LAMA2: variants seen among roughly 807,000 people sequenced by gnomAD.
LAMA2 encodes laminin subunit alpha-2.
In LAMA2, 269 loss-of-function variants were observed where a neutral mutation model predicts 364.8. That is an observed-to-expected ratio of 0.74 (90% CI 0.67 to 0.82). The LOEUF (loss-of-function observed/expected upper bound fraction) is 0.82. Ranked by LOEUF, LAMA2 falls within the 40% of genes least tolerant of loss-of-function variation. The pLI is 0.00. For missense variants in LAMA2, 3,807 were observed against 3,873.2 expected, an observed-to-expected ratio of 0.98 and a Z score of 0.45; for synonymous variants, 1,379 against 1,370.6, an observed-to-expected ratio of 1.01 and a Z score of -0.14.
intron 17 of LAMA2, among the ~76,000 whole-genome samples, chr6:129,275,886 G>T (rs150473904): frequency 6.6e-6 from 1 of 151,816 alleles, no homozygotes; most frequent in Non-Finnish European, 1.5e-5. Flanking sequence ...GAAATATATC[G>T]TTCAAAGACA....
rs557023062 is a variant in LAMA2, at chr6:128,911,490, T to C, written c.112+28133T>C. On this transcript the variant is annotated intron_variant, in intron 1 of 64. Coordinates refer to ENST00000421865, the MANE Select transcript of LAMA2 (RefSeq NM_000426.4). ...CGAGTGAGGCAATGCCTCACCCTGC[T>C]TCGGCTCACGCACGGTGCGCGCACC... Among the ~76,000 whole-genome samples the C allele has an allele frequency of 1.4e-4, 22 of 152,286 alleles. No individual in the cohort carries two copies. The South Asian group carries it at 4.6e-3, about 32-fold the overall frequency.
Position 128,952,489 on chromosome 6 carries a change from A to G in LAMA2, c.112+69132A>G, listed in dbSNP as rs139936381. On this transcript the variant is annotated intron_variant, in intron 1 of 64. Coordinates refer to ENST00000421865, the MANE Select transcript of LAMA2 (RefSeq NM_000426.4). ...CAGCCCTCAAGGATCTAGTTTGTTA[A>G]GAAACATAGGCATCATAACAAATAA... is the stretch of plus-strand genomic sequence containing the variant. 2.6e-5 allele frequency among the ~76,000 whole-genome samples: 4 copies of G among 152,282 alleles called. No individual in the cohort carries two copies. In the East Asian group the frequency reaches 7.7e-4, roughly 29 times the overall value.
At chr6:128,891,976 T>C (rs1308156378) in intron 1 of LAMA2, among the ~76,000 whole-genome samples, 5 of 152,052 alleles carry the variant, frequency 3.3e-5, no homozygotes, top group Admixed American at 3.3e-4. Context: ...ATCAAAAGCC[T>C]GAGTCAACGG....
intron 40 of LAMA2, among the ~76,000 whole-genome samples, chr6:129,410,760 G>T (rs1780500687): frequency 6.7e-6 from 1 of 148,472 alleles, no homozygotes; most frequent in Non-Finnish European, 1.5e-5. Flanking sequence ...ATAGATAATA[G>T]ATTAGATGAT....
intron 1 of LAMA2, among the ~76,000 whole-genome samples, chr6:128,975,446 T>C (rs915093654): frequency 2.0e-5 from 3 of 152,112 alleles, no homozygotes; most frequent in Non-Finnish European, 4.4e-5. Flanking sequence ...AGAAAGTATA[T>C]GACCTATTTC....
intron 12 of LAMA2, among the ~76,000 whole-genome samples, chr6:129,244,073 T>C (rs1004444006): frequency 3.9e-5 from 6 of 152,130 alleles, no homozygotes; most frequent in Non-Finnish European, 8.8e-5. Flanking sequence ...CTAAACCAAC[T>C]TTTCTAGAAT....
intron 34 of LAMA2, among the ~76,000 whole-genome samples, chr6:129,370,704 G>T (rs887684872): frequency 6.6e-6 from 1 of 152,188 alleles, no homozygotes; most frequent in Non-Finnish European, 1.5e-5. Flanking sequence ...GAGCTAGAAG[G>T]TTCCTGGGGA....
chr6:129,093,180 G>A (rs978917567), intron 3 of LAMA2, among the ~76,000 whole-genome samples: 4 of 151,182 alleles, frequency 2.6e-5, no homozygotes, highest in East Asian at 1.9e-4. Flanking sequence ...TAGTAGAGAC[G>A]GAGTTTCACC....
chr6:129,238,572 TGTGTGAGA>T (rs768686411), intron 12 of LAMA2, among the ~76,000 whole-genome samples: 371 of 42,478 alleles, frequency 8.7e-3, no homozygotes, highest in Non-Finnish European at 0.018. Flanking sequence ...TGTGTGTGTG[TGTGTGAGA>T]GAGAGAGAGA....
chr6:129,088,674 G>C (rs920832352), intron 3 of LAMA2, among the ~76,000 whole-genome samples: 6 of 151,132 alleles, frequency 4.0e-5, no homozygotes, highest in South Asian at 2.1e-4. Flanking sequence ...CTTCTCAGAC[G>C]GGGCGGCTGC....
chr6:129,122,995 CA>C, intron 4 of LAMA2, among the ~76,000 whole-genome samples: 1 of 152,032 alleles, frequency 6.6e-6, no homozygotes, highest in East Asian at 1.9e-4. Context: ...GAAGGTTCCT[CA>C]AAAAATTCAA....
intron 1 of LAMA2, among the ~76,000 whole-genome samples, chr6:128,989,065 G>T (rs1000707898): frequency 5.9e-5 from 9 of 152,162 alleles, no homozygotes; most frequent in Admixed American, 5.9e-4. Flanking sequence ...TGTTATACAT[G>T]TTATAATTAT....
chr6:129,374,418 C>T (rs1778256123), intron 34 of LAMA2, among the ~76,000 whole-genome samples: 2 of 152,180 alleles, frequency 1.3e-5, no homozygotes, highest in Admixed American at 6.5e-5. Flanking sequence ...CCCTATCTCA[C>T]ACCCATAGGT....
chr6:129,478,988 G>T, intron 54 of LAMA2, among the ~76,000 whole-genome samples, 175 bp downstream of exon 54: 1 of 152,054 alleles, frequency 6.6e-6, no homozygotes. Flanking sequence ...ATAAAAAATG[G>T]TATTATGAAG....
chr6:129,466,966 T>C, intron 51 of LAMA2, among the ~76,000 whole-genome samples: 1 of 151,842 alleles, frequency 6.6e-6, no homozygotes, highest in African/African-American at 2.4e-5. Flanking sequence ...TTTGGAGATA[T>C]GTAACAATTT....
intron 20 of LAMA2, chr6:129,292,889 T>A (rs747559303): frequency 6.7e-5 from 66 of 985,760 alleles, no homozygotes; most frequent in Non-Finnish European, 7.8e-5. Context: ...AATGTGATAT[T>A]ACAGGAAGAT....
At chr6:128,927,331 T>C (rs1400033526) in intron 1 of LAMA2, among the ~76,000 whole-genome samples, 1 of 152,220 alleles carries the variant, frequency 6.6e-6, no homozygotes, top group Non-Finnish European at 1.5e-5. Context: ...ACATTCAGTG[T>C]ACTCCAATAT....
chr6:129,137,811 A>T (rs959251608), intron 4 of LAMA2, among the ~76,000 whole-genome samples: 2 of 152,138 alleles, frequency 1.3e-5, no homozygotes, highest in African/African-American at 4.8e-5. Context: ...TGAAATCATT[A>T]TGCTAAACAC....
intron 49 of LAMA2, among the ~76,000 whole-genome samples, chr6:129,463,791 A>G (rs1053755215): frequency 2.0e-5 from 3 of 152,002 alleles, no homozygotes; most frequent in Admixed American, 6.6e-5. Context: ...AATCTCTTAG[A>G]TGGTCTCATG....
Sources: gnomAD v4.1 joint callset for allele counts (sites outside exome capture counted in the v4.1 genomes callset) on GRCh38, gnomAD v4.1.1 for gene constraint, MANE v1.5 for transcripts, NCBI Gene and HGNC (gene_info 2026-07-23, HGNC 2026-07-21) for gene names.